INSYN2A: variants seen among roughly 807,000 people sequenced by gnomAD.
INSYN2A encodes the protein inhibitory synaptic factor 2A, also known as family with sequence similarity 196 member A.
A neutral mutation model predicts 39.4 loss-of-function variants in INSYN2A; 17 were observed. The ratio of observed to expected loss-of-function variants is 0.43; its 90% confidence interval spans 0.30 to 0.65. The LOEUF (loss-of-function observed/expected upper bound fraction) is 0.65, where lower values mean the gene tolerates loss of function less well. INSYN2A is among the 30% of genes least tolerant of loss of function. The pLI, the probability that INSYN2A is intolerant of heterozygous loss-of-function variation, is 0.14. For missense variants in INSYN2A, 595 were observed against 631.2 expected, an observed-to-expected ratio of 0.94 and a Z score of 0.61; for synonymous variants, 255 against 265.7, an observed-to-expected ratio of 0.96 and a Z score of 0.39.
At chr10:127,149,317 G>C (rs1316604126) in intron 5 of INSYN2A, among the ~76,000 whole-genome samples, 1 of 152,136 alleles carries the variant, frequency 6.6e-6, no homozygotes, top group Non-Finnish European at 1.5e-5. Flanking sequence ...AGGCTCTCAC[G>C]GGCTGATGTT....
intron 4 of INSYN2A, among the ~76,000 whole-genome samples, chr10:127,164,645 TACAG>T (rs759004714): frequency 6.6e-6 from 1 of 152,226 alleles, no homozygotes; most frequent in Non-Finnish European, 1.5e-5. Context: ...CAGGGACAAA[TACAG>T]AGATGAACAC....
intron 1 of INSYN2A, among the ~76,000 whole-genome samples, chr10:127,193,669 C>T (rs772735122): frequency 4.6e-5 from 7 of 152,188 alleles, no homozygotes; most frequent in Non-Finnish European, 8.8e-5. Context: ...TTTTGGACTG[C>T]TTATTTCAGT....
chr10:127,179,585 T>G (rs1286500720), intron 2 of INSYN2A, among the ~76,000 whole-genome samples: 2 of 152,158 alleles, frequency 1.3e-5, no homozygotes, highest in Non-Finnish European at 2.9e-5. Flanking sequence ...TTCTGGACAT[T>G]AAGAATTACT....
At chr10:127,153,186 AAAAAG>A (rs2052678944) in intron 5 of INSYN2A, among the ~76,000 whole-genome samples, 1 of 152,254 alleles carries the variant, frequency 6.6e-6, no homozygotes, top group African/African-American at 2.4e-5. Context: ...TTACATTTGC[AAAAAG>A]AAAAGAAAAA....
In INSYN2A at chr10:127,195,130, G is replaced by A. The variant is rs984605746; in HGVS notation, c.-395+867C>T. Among the ~76,000 whole-genome samples the A allele has an allele frequency of 4.6e-5, 7 of 152,336 alleles. No individual in the cohort carries two copies. In the South Asian group the frequency reaches 1.2e-3, roughly 27 times the overall value. On this transcript the variant is annotated intron_variant, in intron 1 of 5. Coordinates refer to ENST00000522781, the MANE Select transcript of INSYN2A (RefSeq NM_001039762.3). ...TATTTTTGGGTAGTAGAATGCTGAG[G>A]TCACAGGGAGCGGCTCTTTATCCAA... is the stretch of plus-strand genomic sequence containing the variant.
At position 127,137,788 on chromosome 10, in the gene INSYN2A, A is replaced by C. The variant is rs2050825062; in HGVS notation, c.*49T>G. ...TCATTTTGGAAAAGTATTGACTTAA[A>C]CTCCAGTGGGTTCTAAAGACGGCCT... On this transcript the variant is annotated 3_prime_UTR_variant, in exon 6 of 6. Transcript: ENST00000522781. 1 of 1,528,934 alleles carries C rather than the reference A, an allele frequency of 6.5e-7. No individual in the cohort carries two copies. The highest frequency in any genetic ancestry group is 8.9e-7 in the Non-Finnish European group (1 of 1,128,366). The allele number at this position is 1,528,934 out of a possible 1,614,324, so 94.7% of individuals were successfully genotyped here. A position where few individuals can be genotyped will look rare whatever the true frequency, so the allele number is the denominator to read the frequency against.
chr10:127,158,974 T>A (rs959043519), intron 4 of INSYN2A, among the ~76,000 whole-genome samples: 1 of 152,280 alleles, frequency 6.6e-6, no homozygotes, highest in East Asian at 1.9e-4. Context: ...AGGGACCAAT[T>A]TGGGGACCCT....
intron 4 of INSYN2A, among the ~76,000 whole-genome samples, chr10:127,161,247 A>G (rs1051639959): frequency 2.6e-5 from 4 of 152,238 alleles, no homozygotes; most frequent in African/African-American, 9.6e-5. Flanking sequence ...GAGCTGTTAA[A>G]TGCTAGAATT....
chr10:127,153,939 A>G lies in INSYN2A; in HGVS notation c.1185-16T>C. 6.2e-7 allele frequency: 1 copy of G among 1,608,310 alleles called. No homozygotes were observed. The highest frequency in any genetic ancestry group is 8.5e-7 in the Non-Finnish European group (1 of 1,174,706). The stretch of plus-strand genomic sequence containing the variant: ...ATATGAAAGCCTACAAGATAAGAAC[A>G]GGAGAGCATTACAAGCGGTGGCTGG... On this transcript the variant is annotated splice_polypyrimidine_tract_variant and intron_variant, in intron 4 of 5. Coordinates refer to ENST00000522781, the MANE Select transcript of INSYN2A (RefSeq NM_001039762.3).
In INSYN2A at chr10:127,177,088, G is replaced by C. The variant is rs1325991036; in HGVS notation, c.-217C>G. ...CGTGGGTTTCCCTGCATCTACAAAGGCCATGTTTGCAACTCCTTTTATTCC... is the reference window on the plus strand; with the variant it reads ...CGTGGGTTTCCCTGCATCTACAAAGCCCATGTTTGCAACTCCTTTTATTCC... On this transcript the variant is annotated 5_prime_UTR_variant, in exon 3 of 6. Transcript: ENST00000522781. 1 of 151,936 alleles carries C rather than the reference G, an allele frequency of 6.6e-6. No individual in the cohort carries two copies. Among genetic ancestry groups the C allele is most frequent in the African/African-American group, 2.4e-5 (1 of 41,344 alleles). The allele number at this position is 151,936 out of a possible 1,614,324, so 9.4% of individuals were successfully genotyped here.
In INSYN2A at chr10:127,137,855, C is replaced by T; in HGVS notation, c.1422G>A (p.Trp474Ter). Residue 474 changes from tryptophan to a stop codon, truncating the protein, a stop_gained, in exon 6 of 6, where the codon TGG becomes TGA. Coordinates refer to ENST00000522781, the MANE Select transcript of INSYN2A (RefSeq NM_001039762.3). LOFTEE classifies it high-confidence loss of function. ...GTGAGTGTTAAAGGAACCAGAGTTTCCATCTTCCGTGCTTTTTAGATTCAG... is the reference window on the plus strand; with the variant it reads ...GTGAGTGTTAAAGGAACCAGAGTTTTCATCTTCCGTGCTTTTTAGATTCAG... ...SKTESKKHGR[W>*]KLWFL 6.2e-7 allele frequency: 1 copy of T among 1,613,806 alleles called. No homozygotes were observed. The highest frequency in any genetic ancestry group is 8.5e-7 in the Non-Finnish European group (1 of 1,179,924).
chr10:127,186,507 G>GGCCCCCC (rs2056257465), intron 2 of INSYN2A, among the ~76,000 whole-genome samples: 1 of 5,912 alleles, frequency 1.7e-4, no homozygotes, highest in African/African-American at 3.2e-4. Context: ...GGGAGAAACC[G>GGCCCCCC]CCCCCCCGCC....
intron 4 of INSYN2A, among the ~76,000 whole-genome samples, chr10:127,158,296 A>C (rs953323051): frequency 6.6e-6 from 1 of 152,212 alleles, no homozygotes; most frequent in Admixed American, 6.5e-5. Flanking sequence ...AAAACTTTAA[A>C]CTGCTAGAGC....
intron 4 of INSYN2A, among the ~76,000 whole-genome samples, chr10:127,169,793 TTAAGTA>T (rs1159514514): frequency 6.6e-6 from 1 of 152,220 alleles, no homozygotes; most frequent in Non-Finnish European, 1.5e-5. Flanking sequence ...TCCTTACCTC[TTAAGTA>T]TGTGTATGTG....
chr10:127,179,523 A>G (rs2055516931), intron 2 of INSYN2A, among the ~76,000 whole-genome samples: 1 of 152,190 alleles, frequency 6.6e-6, no homozygotes, highest in Non-Finnish European at 1.5e-5. Flanking sequence ...AAATGAGGTT[A>G]TGAGTTCTTT....
rs1276704520 is a variant in INSYN2A at position 127,149,740 on chromosome 10, T to C, written c.1256+4112A>G. On this transcript the variant is annotated intron_variant, in intron 5 of 5. Transcript: ENST00000522781. ...AATGTGTGAACACTGGCAGCTGTGA[T>C]GGCCCCACGTGTTCTCAAGCCTCTG... 3.3e-5 allele frequency among the ~76,000 whole-genome samples: 5 copies of C among 152,352 alleles called. No individual in the cohort carries two copies. The East Asian group carries it at 9.7e-4, about 29-fold the overall frequency.
intron 2 of INSYN2A, among the ~76,000 whole-genome samples, chr10:127,179,234 G>C (rs1294971616): frequency 6.6e-6 from 1 of 152,142 alleles, no homozygotes; most frequent in Non-Finnish European, 1.5e-5. Flanking sequence ...AAATATTCTA[G>C]GTCTTGGACG....
In INSYN2A at chr10:127,136,152, T is replaced by A. The variant is rs559670995; in HGVS notation, c.*1685A>T. 1 of 152,362 alleles carries A rather than the reference T, an allele frequency of 6.6e-6. No individual in the cohort carries two copies. The highest frequency in any genetic ancestry group is 1.9e-4 in the East Asian group (1 of 5,186). 9.4% of individuals were successfully genotyped at this position (152,362 alleles called of 1,614,324 possible). On this transcript the variant is annotated 3_prime_UTR_variant, in exon 6 of 6. Transcript: ENST00000522781. ...TAAAGCATACAACTGCAGTGTTGTT[T>A]GGCCCCCGAAGAATGTTTACACGAC... is the stretch of plus-strand genomic sequence containing the variant.
rs546749032 is a variant in INSYN2A at position 127,138,856 on chromosome 10, A to G, written c.1257-836T>C. On this transcript the variant is annotated intron_variant, in intron 5 of 5. Transcript: ENST00000522781. The stretch of plus-strand genomic sequence containing the variant: ...TCCGAAAATTGCTGTCAACTTGTCT[A>G]GAGCCCTCTCGTCTCCATGTCTTTG... Among the ~76,000 whole-genome samples, 5 of 152,346 alleles carry G rather than the reference A, an allele frequency of 3.3e-5. No homozygotes were observed. In the East Asian group the frequency reaches 9.6e-4, roughly 29 times the overall value.
Sources: gnomAD v4.1 joint callset for allele counts (sites outside exome capture counted in the v4.1 genomes callset) on GRCh38, gnomAD v4.1.1 for gene constraint, MANE v1.5 for transcripts, NCBI Gene and HGNC (gene_info 2026-07-23, HGNC 2026-07-21) for gene names.